Variants in GPC5 observed in about 807,000 individuals in gnomAD.
GPC5 encodes the protein glypican 5, also known as glypican-5.
In GPC5, 47 loss-of-function variants were observed where a neutral mutation model predicts 53.9. The observed-to-expected ratio is 0.87, with a 90% CI of 0.69 to 1.11. The LOEUF is 1.11. Among genes scored for constraint, GPC5 ranks in the 50% most tolerant of loss-of-function variants. The pLI is 0.00. For synonymous variants in GPC5, 286 were observed against 263.3 expected (o/e 1.09, Z -0.84); for missense variants, 748 against 713.1 (o/e 1.05, Z -0.56).
chr13:91,678,071 A>G (rs2035424177), intron 2 of GPC5, among the ~76,000 whole-genome samples: 1 of 152,230 alleles, frequency 6.6e-6, no homozygotes, highest in Non-Finnish European at 1.5e-5. Context: ...GTAATGGTCT[A>G]AAAGAATTGC....
At chr13:92,293,274 A>G (rs928748252) in intron 7 of GPC5, among the ~76,000 whole-genome samples, 3 of 151,926 alleles carry the variant, frequency 2.0e-5, no homozygotes, top group Admixed American at 1.3e-4. Flanking sequence ...CATTTTCACA[A>G]TATTGACTCT....
At chr13:92,628,255 TTTTTCTTTC>T (rs1885112162) in intron 7 of GPC5, among the ~76,000 whole-genome samples, 1 of 131,932 alleles carries the variant, frequency 7.6e-6, no homozygotes, top group Non-Finnish European at 1.6e-5. Flanking sequence ...TTTCTTTTTC[TTTTTCTTTC>T]TTTTTTTTTT....
chr13:91,800,643 G>T (rs1047503626), intron 5 of GPC5, among the ~76,000 whole-genome samples: 7 of 152,042 alleles, frequency 4.6e-5, no homozygotes, highest in Non-Finnish European at 1.0e-4. Flanking sequence ...TTTGTTAATA[G>T]AGGTTTTTTA....
chr13:92,721,601 T>C (rs1888510828), intron 7 of GPC5: 1 of 151,994 alleles, frequency 6.6e-6, no homozygotes, highest in Non-Finnish European at 1.5e-5. Context: ...GAAAAGAAGT[T>C]TTTTGCAAAC....
chr13:92,667,275 A>C (rs1206883751), intron 7 of GPC5, among the ~76,000 whole-genome samples: 4 of 152,128 alleles, frequency 2.6e-5, no homozygotes, highest in Non-Finnish European at 4.4e-5. Context: ...TACTAAAAAG[A>C]GAGGATTGGT....
intron 2 of GPC5, among the ~76,000 whole-genome samples, chr13:91,491,813 T>C (rs1883955352): frequency 6.6e-6 from 1 of 152,180 alleles, no homozygotes; most frequent in Admixed American, 6.5e-5. Context: ...ATTTAAGGCC[T>C]ACCTTGGTAA....
chr13:92,149,320 A>T (rs938145858), intron 7 of GPC5, among the ~76,000 whole-genome samples: 2 of 152,090 alleles, frequency 1.3e-5, no homozygotes, highest in African/African-American at 4.8e-5. Flanking sequence ...AGCACTATCC[A>T]GTTCATAAAG....
chr13:92,278,975 T>G (rs1389765681), intron 7 of GPC5, among the ~76,000 whole-genome samples: 6 of 152,096 alleles, frequency 3.9e-5, no homozygotes, highest in Non-Finnish European at 7.4e-5. Context: ...AAATCATTTT[T>G]TTTTCTTTCA....
chr13:92,713,231 T>C (rs905736373), intron 7 of GPC5, among the ~76,000 whole-genome samples: 2 of 151,790 alleles, frequency 1.3e-5, no homozygotes, highest in African/African-American at 4.8e-5. Flanking sequence ...TCCAGTGAGA[T>C]AATGGGCAAA....
At chr13:91,988,865 G>C (rs2040432578) in intron 6 of GPC5, among the ~76,000 whole-genome samples, 1 of 150,462 alleles carries the variant, frequency 6.6e-6, no homozygotes, top group Admixed American at 6.6e-5. Flanking sequence ...CAATTCTGGA[G>C]TGTTTTAGAT....
At chr13:92,352,921 AT>A (rs1278842922) in intron 7 of GPC5, among the ~76,000 whole-genome samples, 1 of 152,162 alleles carries the variant, frequency 6.6e-6, no homozygotes, top group Non-Finnish European at 1.5e-5. Context: ...AAAAAATAAT[AT>A]TGATGGTGGT....
chr13:91,882,312 G>A (rs1207501457), intron 5 of GPC5, among the ~76,000 whole-genome samples: 1 of 151,684 alleles, frequency 6.6e-6, no homozygotes, highest in African/African-American at 2.4e-5. Context: ...ACATATTCTT[G>A]TATATAAGTA....
At chr13:92,322,589 C>A (rs150245685) in intron 7 of GPC5, among the ~76,000 whole-genome samples, 5 of 151,946 alleles carry the variant, frequency 3.3e-5, no homozygotes, top group African/African-American at 1.2e-4. Flanking sequence ...TGTCTATAGA[C>A]GAACTGAAAT....
At chr13:92,782,571 G>C (rs1876069414) in intron 7 of GPC5, among the ~76,000 whole-genome samples, 1 of 152,130 alleles carries the variant, frequency 6.6e-6, no homozygotes, top group Non-Finnish European at 1.5e-5. Context: ...GAGCAGAGAA[G>C]AATGCTCAAA....
intron 2 of GPC5, among the ~76,000 whole-genome samples, chr13:91,576,033 A>C (rs1195567766): frequency 1.3e-5 from 2 of 152,140 alleles, no homozygotes; most frequent in Non-Finnish European, 2.9e-5. Context: ...TGAAAGAAGT[A>C]GTAGGTAGAA....
chr13:92,713,467 G>A (rs1169161682), intron 7 of GPC5, among the ~76,000 whole-genome samples: 1 of 150,950 alleles, frequency 6.6e-6, no homozygotes, highest in Admixed American at 6.6e-5. Flanking sequence ...AATTAGCTGG[G>A]TGTGGTGGCG....
chr13:92,118,777 C>A (rs2041621246), intron 6 of GPC5, among the ~76,000 whole-genome samples: 1 of 152,154 alleles, frequency 6.6e-6, no homozygotes, highest in African/African-American at 2.4e-5. Flanking sequence ...GTTTCAATTT[C>A]AATCAGTAGG....
Position 91,621,399 on chromosome 13 carries a change from T to C in GPC5, c.326-71788T>C, listed in dbSNP as rs553877606. The stretch of plus-strand genomic sequence containing the variant: ...CTCGACACTAGATGATGTGGGCAGG[T>C]GAGGAAGTCTGGACAAGCTCATCCT... On this transcript the variant is annotated intron_variant, in intron 2 of 7. Coordinates refer to ENST00000377067, the MANE Select transcript of GPC5 (RefSeq NM_004466.6). 3.3e-5 allele frequency among the ~76,000 whole-genome samples: 5 copies of C among 152,132 alleles called. No individual in the cohort carries two copies. The South Asian group carries it at 8.3e-4, about 25-fold the overall frequency.
chr13:91,579,866 C>A (rs1178803780), intron 2 of GPC5, among the ~76,000 whole-genome samples: 1 of 151,856 alleles, frequency 6.6e-6, no homozygotes, highest in Admixed American at 6.6e-5. Context: ...ACCTCGTCAT[C>A]TGCCTGCCTC....
Sources: allele counts gnomAD v4.1 joint callset (sites outside exome capture counted in the v4.1 genomes callset), GRCh38; gene constraint gnomAD v4.1.1; transcripts MANE v1.5; gene names NCBI Gene and HGNC (gene_info 2026-07-23, HGNC 2026-07-21).